Variants in CFH observed in about 807,000 individuals in gnomAD.
The protein encoded by CFH is H factor 1 (complement).
A neutral mutation model predicts 147.3 loss-of-function variants in CFH; 53 were observed. The observed-to-expected ratio is 0.36, with a 90% CI of 0.29 to 0.45. CFH has a LOEUF of 0.45. Ranked by LOEUF, CFH falls within the 20% of genes least tolerant of loss-of-function variation. CFH has a pLI of 1.00. For missense variants in CFH, 1,380 were observed against 1,498.0 expected (o/e 0.92, Z 1.30); for synonymous variants, 536 against 489.4 (o/e 1.10, Z -1.26).
intron 1 of CFH, among the ~76,000 whole-genome samples, chr1:196,660,930 G>T (rs190455880): frequency 1.3e-5 from 2 of 152,298 alleles, no homozygotes; most frequent in Admixed American, 1.3e-4. Flanking sequence ...ACTAGGAAGT[G>T]AGCGGGCTAA....
intron 1 of CFH, among the ~76,000 whole-genome samples, chr1:196,657,989 T>C (rs908900320): frequency 6.6e-6 from 1 of 152,130 alleles, no homozygotes; most frequent in Non-Finnish European, 1.5e-5. Context: ...AAATAAGTAA[T>C]TAGTTCTATG....
At chr1:196,734,039 TCTC>T (rs1242085032) in intron 15 of CFH, among the ~76,000 whole-genome samples, 15 of 152,162 alleles carry the variant, frequency 9.9e-5, no homozygotes, top group Admixed American at 9.2e-4. Context: ...ATGTGTTTAA[TCTC>T]CTCTGCTTCC....
At chr1:196,692,746 TTTTCTTTCTTTCTTTC>T (rs765086697) in intron 9 of CFH, among the ~76,000 whole-genome samples, 2,227 of 41,442 alleles carry the variant, frequency 0.054, 91 homozygotes, top group Middle Eastern at 0.1. Context: ...CTTCCTTTCT[TTTTCTTTCTTTCTTTC>T]TTTCTTTCTT....
chr1:196,701,731 G>T (rs1668454932), intron 9 of CFH, among the ~76,000 whole-genome samples: 1 of 152,082 alleles, frequency 6.6e-6, no homozygotes, highest in Non-Finnish European at 1.5e-5. Context: ...ACAAACCCTA[G>T]CAGCTTACTT....
At position 196,679,413 on chromosome 1, in the gene CFH, AAACT is replaced by A. The variant is rs1667575094; in HGVS notation, c.620-207_620-204del. 6 of 423,244 alleles carry A rather than the reference AAACT, an allele frequency of 1.4e-5. 1 individual carries two copies. In the South Asian group the frequency reaches 1.7e-4, roughly 12 times the overall value. The allele number at this position is 423,244 out of a possible 1,614,324, so 26.2% of individuals were successfully genotyped here. On this transcript the variant is annotated intron_variant, in intron 5 of 21. Coordinates refer to ENST00000367429, the MANE Select transcript of CFH (RefSeq NM_000186.4). ...ATTTCAAGAAGGCTAATTTATCCTGAAACTAAATAAAATCAGAAGCATAATTTTA... is the reference window on the plus strand; with the variant it reads ...ATTTCAAGAAGGCTAATTTATCCTGAAAATAAAATCAGAAGCATAATTTTA...
intron 15 of CFH, among the ~76,000 whole-genome samples, chr1:196,732,076 T>C (rs1448729808): frequency 1.3e-5 from 2 of 152,098 alleles, no homozygotes; most frequent in Non-Finnish European, 2.9e-5. Context: ...ATATATTTTC[T>C]GTATCGTTGT....
Position 196,673,078 on chromosome 1 carries a change from C to G in CFH, c.159C>G (p.Arg53=), listed in dbSNP as rs781144436. ...PEGTQAIYKC[R]PGYRSLGNVI... ...GCACCCAGGCTATCTATAAATGCCG[C>G]CCTGGATATAGATCTCTTGGAAATG... Residue 53 remains arginine, a synonymous_variant, in exon 2 of 22, where the codon CGC becomes CGG. Transcript: ENST00000367429. 2 of 1,613,806 alleles carry G rather than the reference C, an allele frequency of 1.2e-6. No homozygotes were observed. Among genetic ancestry groups the G allele is most frequent in the East Asian group, 2.2e-5 (1 of 44,870 alleles).
At chr1:196,692,822 C>CTTTCTTTCTTTCTTTCTTTT (rs1367433142) in intron 9 of CFH, among the ~76,000 whole-genome samples, 3 of 22,516 alleles carry the variant, frequency 1.3e-4, no homozygotes, top group Non-Finnish European at 1.6e-4. Context: ...TTCTTTCTTT[C>CTTTCTTTCTTTCTTTCTTTT]TCTTTCCTTC....
intron 1 of CFH, 67 bp downstream of exon 1, chr1:196,652,242 A>G: frequency 8.1e-7 from 1 of 1,237,052 alleles, no homozygotes; most frequent in Non-Finnish European, 1.2e-6. Flanking sequence ...TGCTTTTCAC[A>G]GGAGTAATAA....
In CFH at chr1:196,668,996, A is replaced by T. The variant is rs183558620; in HGVS notation, c.59-3982A>T. Among the ~76,000 whole-genome samples the T allele has an allele frequency of 2.6e-5, 4 of 152,254 alleles. No homozygotes were observed. In the East Asian group the frequency reaches 5.8e-4, roughly 22 times the overall value. On this transcript the variant is annotated intron_variant, in intron 1 of 21. Transcript: ENST00000367429. ...TGGGAAAGCTTGGAACTTCCTAGAG[A>T]CTTGTTGAATGCTTTAGACCAAAAT...
intron 1 of CFH, among the ~76,000 whole-genome samples, chr1:196,660,319 C>T (rs912915379): frequency 6.6e-6 from 1 of 152,162 alleles, no homozygotes; most frequent in African/African-American, 2.4e-5. Flanking sequence ...GGAGATTTAA[C>T]ATGATGAGAT....
intron 20 of CFH, 100 bp from the exon 21 acceptor site, chr1:196,745,717 G>C (rs1652981631): frequency 6.6e-7 from 1 of 1,522,092 alleles, no homozygotes; most frequent in Non-Finnish European, 9.1e-7. Context: ...TCACAAAACT[G>C]TTGATATTAT....
At chr1:196,671,768 T>G (rs548613696) in intron 1 of CFH, among the ~76,000 whole-genome samples, 79 of 149,828 alleles carry the variant, frequency 5.3e-4, no homozygotes, top group South Asian at 1.9e-3. Context: ...ATGATATATA[T>G]ATAATAAAAG....
chr1:196,667,433 AT>A (rs991666256), intron 1 of CFH, among the ~76,000 whole-genome samples: 6 of 152,208 alleles, frequency 3.9e-5, no homozygotes, highest in African/African-American at 1.2e-4. Flanking sequence ...TTTTATTAAT[AT>A]GAAATGACTC....
intron 17 of CFH, among the ~76,000 whole-genome samples, chr1:196,738,078 G>A (rs1308352582): frequency 6.6e-6 from 1 of 152,194 alleles, no homozygotes; most frequent in East Asian, 1.9e-4. Context: ...TGACCAAAGG[G>A]AAAAGGCCCT....
intron 6 of CFH, among the ~76,000 whole-genome samples, chr1:196,681,184 G>A (rs990542019): frequency 1.3e-5 from 2 of 151,706 alleles, no homozygotes; most frequent in Admixed American, 1.3e-4. Context: ...TTTTACATCA[G>A]GACCTTGCTG....
intron 9 of CFH, 106 bp downstream of exon 9, chr1:196,690,345 C>A (rs372478116): frequency 2.0e-4 from 303 of 1,501,562 alleles, no homozygotes; most frequent in Non-Finnish European, 2.7e-4. Flanking sequence ...TTTATGTCAC[C>A]TTGTTTTACC....
chr1:196,726,668 T>G lies in CFH; in HGVS notation c.2056+16T>G, dbSNP rs777352172. On this transcript the variant is annotated intron_variant, in intron 13 of 21. Transcript: ENST00000367429. ...GTGTGTATTGGTAATGTATAAAATA[T>G]TAATATTTAAACTTGTCAAAACTTT... 1.2e-6 allele frequency: 2 copies of G among 1,605,956 alleles called. No individual in the cohort carries two copies. Among genetic ancestry groups the G allele is most frequent in the Non-Finnish European group, 1.7e-6 (2 of 1,173,258 alleles).
Position 196,736,950 on chromosome 1 carries a change from A to C in CFH, c.2540A>C (p.Glu847Ala), listed in dbSNP as rs1669418838. The C allele has an allele frequency of 6.2e-7, 1 of 1,611,970 alleles. No homozygotes were observed. Among genetic ancestry groups the C allele is most frequent in the Non-Finnish European group, 8.5e-7 (1 of 1,178,702 alleles). The change falls in exon 16 of 22, where the codon GAA becomes GCA. Residue 847 changes from glutamate to alanine, a missense_variant. Glu to Ala is a moderately radical substitution (Grantham distance 107). Transcript: ENST00000367429. ...TGCCAAGAAAATTATCTAATTCAGG[A>C]AGGAGAAGAAATTACATGCAAAGAT... ...VLCQENYLIQ[E>A]GEEITCKDGR... is the part of the protein sequence containing the mutation.
Sources: allele counts gnomAD v4.1 joint callset (sites outside exome capture counted in the v4.1 genomes callset), GRCh38; gene constraint gnomAD v4.1.1; transcripts MANE v1.5; gene names NCBI Gene and HGNC (gene_info 2026-07-23, HGNC 2026-07-21).